Variants in RABGAP1L observed in about 807,000 individuals in gnomAD.
RABGAP1L encodes RAB GTPase activating protein 1 like, also known as rab GTPase-activating protein 1-like.
A neutral mutation model predicts 137.7 loss-of-function variants in RABGAP1L; 63 were observed. That is an observed-to-expected ratio of 0.46 (90% confidence interval 0.37 to 0.56). The LOEUF (loss-of-function observed/expected upper bound fraction) is 0.56, where lower values mean the gene tolerates loss of function less well. Ranked by LOEUF, RABGAP1L falls within the 20% of genes least tolerant of loss-of-function variation. The pLI, the probability that RABGAP1L is intolerant of heterozygous loss-of-function variation, is 0.00. For missense variants in RABGAP1L, 1,095 were observed against 1,244.0 expected (o/e 0.88, Z 1.80); for synonymous variants, 431 against 433.7 (o/e 0.99, Z 0.08).
In RABGAP1L at chr1:174,484,628, A is replaced by G. The variant is rs1338077237; in HGVS notation, c.1710+90483A>G. On this transcript the variant is annotated intron_variant, in intron 13 of 25. Coordinates refer to ENST00000681986, the MANE Select transcript of RABGAP1L (RefSeq NM_001366446.1). ...CTGCATATGGATAATCAGTTTTCCC[A>G]ACAACATTTATTGAAGAGACTGTCC... is the stretch of plus-strand genomic sequence containing the variant. Among the ~76,000 whole-genome samples, 8 of 152,226 alleles carry G rather than the reference A, an allele frequency of 5.3e-5. No individual in the cohort carries two copies. The East Asian group carries it at 1.5e-3, about 29-fold the overall frequency.
rs576070986 is a variant in RABGAP1L at position 174,451,993 on chromosome 1, G to A, written c.1710+57848G>A. ...CATAGGCTGAAAGAGGCTGAATGAG[G>A]CAAATTCTGAGTTTATTTATTTACT... On this transcript the variant is annotated intron_variant, in intron 13 of 25. Transcript: ENST00000681986. Among the ~76,000 whole-genome samples, 18 of 152,170 alleles carry A rather than the reference G, an allele frequency of 1.2e-4. 1 individual carries two copies. In the East Asian group the frequency reaches 3.5e-3, roughly 29 times the overall value.
At chr1:174,321,877 T>C (rs1680025257) in intron 11 of RABGAP1L, among the ~76,000 whole-genome samples, 1 of 152,216 alleles carries the variant, frequency 6.6e-6, no homozygotes, top group Non-Finnish European at 1.5e-5. Flanking sequence ...CATGTGATTA[T>C]TTACCATTTG....
chr1:174,831,014 C>A (rs1692058358), intron 19 of RABGAP1L, among the ~76,000 whole-genome samples: 1 of 147,614 alleles, frequency 6.8e-6, no homozygotes, highest in Non-Finnish European at 1.5e-5. Flanking sequence ...CAGTTGTCTA[C>A]CTCATGGTTA....
chr1:174,642,296 C>G (rs1557941074), intron 14 of RABGAP1L, among the ~76,000 whole-genome samples: 1 of 151,832 alleles, frequency 6.6e-6, no homozygotes, highest in Non-Finnish European at 1.5e-5. Context: ...TAAACTTAAC[C>G]CTTATTTTAC....
chr1:174,267,456 A>T (rs534514639), intron 7 of RABGAP1L, among the ~76,000 whole-genome samples: 1 of 152,188 alleles, frequency 6.6e-6, no homozygotes, highest in African/African-American at 2.4e-5. Flanking sequence ...AGATGAACTT[A>T]TCAGTGTAAA....
At chr1:174,451,709 T>G (rs1230363828) in intron 13 of RABGAP1L, among the ~76,000 whole-genome samples, 1 of 152,196 alleles carries the variant, frequency 6.6e-6, no homozygotes, top group Non-Finnish European at 1.5e-5. Context: ...TTTATTTATT[T>G]TTTTCTCATC....
chr1:174,397,716 A>G (rs1271131703), intron 13 of RABGAP1L, among the ~76,000 whole-genome samples: 1 of 152,168 alleles, frequency 6.6e-6, no homozygotes, highest in Non-Finnish European at 1.5e-5. Flanking sequence ...AAAGAAGAAA[A>G]GAAAAACAAA....
intron 7 of RABGAP1L, among the ~76,000 whole-genome samples, chr1:174,262,774 C>T (rs1673698223): frequency 6.6e-6 from 1 of 152,218 alleles, no homozygotes; most frequent in African/African-American, 2.4e-5. Flanking sequence ...GTTATTGCCC[C>T]TTGGCTCCAA....
At chr1:174,505,217 G>A (rs1276733376) in intron 13 of RABGAP1L, among the ~76,000 whole-genome samples, 1 of 152,150 alleles carries the variant, frequency 6.6e-6, no homozygotes, top group Non-Finnish European at 1.5e-5. Flanking sequence ...TCCTTGAGGA[G>A]CCTTACCTTT....
chr1:174,352,752 G>A (rs113789071), intron 11 of RABGAP1L, among the ~76,000 whole-genome samples: 5 of 152,320 alleles, frequency 3.3e-5, no homozygotes, highest in African/African-American at 1.2e-4. Flanking sequence ...GGAATTGAGT[G>A]TTGTGAGTTA....
At chr1:174,613,479 A>G (rs183189702) in intron 13 of RABGAP1L, among the ~76,000 whole-genome samples, 4 of 152,054 alleles carry the variant, frequency 2.6e-5, no homozygotes, top group Admixed American at 6.6e-5. Flanking sequence ...ACTTCCAACT[A>G]TGTGGTCAAT....
chr1:174,850,830 G>A (rs1465712510), intron 19 of RABGAP1L, among the ~76,000 whole-genome samples: 1 of 152,206 alleles, frequency 6.6e-6, no homozygotes, highest in Non-Finnish European at 1.5e-5. Flanking sequence ...GCTAATGGCA[G>A]GAAGGAAAGT....
At chr1:174,543,591 T>G (rs1017704249) in intron 13 of RABGAP1L, among the ~76,000 whole-genome samples, 4 of 152,238 alleles carry the variant, frequency 2.6e-5, no homozygotes, top group African/African-American at 7.2e-5. Flanking sequence ...TTAGCCCATT[T>G]ACATTTATAG....
chr1:174,961,383 C>T (rs1438075054), intron 20 of RABGAP1L, among the ~76,000 whole-genome samples: 2 of 152,194 alleles, frequency 1.3e-5, no homozygotes, highest in Non-Finnish European at 2.9e-5. Context: ...AAAATACTTT[C>T]TATCTTAAAG....
intron 12 of RABGAP1L, among the ~76,000 whole-genome samples, chr1:174,377,976 C>T (rs898508063): frequency 3.2e-5 from 4 of 126,506 alleles, no homozygotes; most frequent in Non-Finnish European, 4.8e-5. Context: ...TGATATTCCC[C>T]TTCCTGTGTC....
At chr1:174,573,199 A>ACAC (rs2148056559) in intron 13 of RABGAP1L, among the ~76,000 whole-genome samples, 1 of 149,674 alleles carries the variant, frequency 6.7e-6, no homozygotes, top group Admixed American at 6.6e-5. Context: ...ATGTGTGTGT[A>ACAC]TATATGTGTG....
At chr1:174,464,022 A>C (rs972105584) in intron 13 of RABGAP1L, among the ~76,000 whole-genome samples, 1 of 152,178 alleles carries the variant, frequency 6.6e-6, no homozygotes, top group Admixed American at 6.5e-5. Flanking sequence ...CCAAAGTATA[A>C]TTTAATATAT....
intron 14 of RABGAP1L, among the ~76,000 whole-genome samples, chr1:174,676,271 T>G (rs1677621024): frequency 6.6e-6 from 1 of 152,168 alleles, no homozygotes; most frequent in East Asian, 1.9e-4. Flanking sequence ...TGAGTGTAGT[T>G]GATGAAGATG....
At chr1:174,608,420 A>T (rs1472502231) in intron 13 of RABGAP1L, among the ~76,000 whole-genome samples, 1 of 152,202 alleles carries the variant, frequency 6.6e-6, no homozygotes, top group African/African-American at 2.4e-5. Context: ...GGCAATATGT[A>T]AAAAAGTATT....
Sources: gnomAD v4.1 joint callset for allele counts (sites outside exome capture counted in the v4.1 genomes callset) on GRCh38, gnomAD v4.1.1 for gene constraint, MANE v1.5 for transcripts, NCBI Gene and HGNC (gene_info 2026-07-23, HGNC 2026-07-21) for gene names.